The following EFHC2 variants were observed in gnomAD, a reference collection of about 807,000 sequenced individuals.
The protein encoded by EFHC2 is EF-hand domain containing 2.
EFHC2 carries 18 observed loss-of-function variants against 52.7 expected under a neutral mutation model. That is an observed-to-expected ratio of 0.34 (90% confidence interval 0.24 to 0.51). The LOEUF (loss-of-function observed/expected upper bound fraction) is 0.51. Among genes scored for constraint, EFHC2 ranks in the 20% least tolerant of loss-of-function variants. The pLI is 0.97. For synonymous variants in EFHC2, 203 were observed against 204.1 expected, an observed-to-expected ratio of 0.99 and a Z score of 0.04; for missense variants, 513 against 562.5, an observed-to-expected ratio of 0.91 and a Z score of 0.89.
At position 44,157,545 on chromosome X, in the gene EFHC2, A is replaced by C. The variant is rs761742377; in HGVS notation, c.2148+6377T>G. Among the ~76,000 whole-genome samples the C allele has an allele frequency of 3.0e-4, 33 of 110,740 alleles. 1 individual carries two copies. Among genetic ancestry groups the C allele is most frequent in the Admixed American group, 1.2e-3 (12 of 10,401 alleles). On this transcript the variant is annotated intron_variant, in intron 14 of 14. Coordinates refer to ENST00000420999, the MANE Select transcript of EFHC2 (RefSeq NM_025184.4). ...CAGGAGATCAGAAAACAGGAGAAGC[A>C]AGAGGTCAGAGTATGGATTTCACTT...
chrX:44,228,138 G>C, intron 11 of EFHC2, among the ~76,000 whole-genome samples: 1 of 111,849 alleles, frequency 8.9e-6, no homozygotes, highest in Non-Finnish European at 1.9e-5. Flanking sequence ...TCATTTTAAG[G>C]AATTTCTGGG....
At position 44,174,970 on chromosome X, in the gene EFHC2, C is replaced by A. The variant is rs1180158664; in HGVS notation, c.2042+1322G>T. On this transcript the variant is annotated intron_variant, in intron 13 of 14. Coordinates refer to ENST00000420999, the MANE Select transcript of EFHC2 (RefSeq NM_025184.4). ...TAGATTTGCCCTCTTCTGGGTTTCC[C>A]TCCTGATACCTTGGACCCTAGTTCC... 2.7e-5 allele frequency among the ~76,000 whole-genome samples: 3 copies of A among 112,192 alleles called. No individual in the cohort carries two copies. The Admixed American group carries it at 2.8e-4, about 11-fold the overall frequency.
rs918847278 is a variant in EFHC2 at position 44,232,345 on chromosome X, C to T, written c.1620+136G>A. The T allele has an allele frequency of 3.1e-5, 13 of 416,120 alleles. No individual in the cohort carries two copies. In the Admixed American group the frequency reaches 4.5e-4, roughly 14 times the overall value. The allele number at this position is 416,120 out of a possible 1,213,427, so 34.3% of individuals were successfully genotyped here. ...GACATGTGGCCAAGTCACACGAATC[C>T]ATTATTCATGCCCACATGTGTGAAT... On this transcript the variant is annotated intron_variant, in intron 10 of 14. Transcript: ENST00000420999.
chrX:44,252,998 G>A (rs2147339018), intron 4 of EFHC2, among the ~76,000 whole-genome samples: 1 of 111,198 alleles, frequency 9.0e-6, no homozygotes, highest in East Asian at 2.8e-4. Context: ...GAAGCAGGGT[G>A]GGGCATCGCC....
intron 8 of EFHC2, among the ~76,000 whole-genome samples, chrX:44,240,208 G>C (rs780214497): frequency 8.9e-6 from 1 of 111,913 alleles, no homozygotes; most frequent in Non-Finnish European, 1.9e-5. Flanking sequence ...GTCTCCAGCC[G>C]AATGTGCTAG....
chrX:44,261,013 A>T, intron 4 of EFHC2, 62 bp downstream of exon 4: 1 of 998,820 alleles, frequency 1.0e-6, no homozygotes, highest in Non-Finnish European at 1.4e-6. Context: ...AACACCCTTT[A>T]CTGACTTTCC....
intron 2 of EFHC2, among the ~76,000 whole-genome samples, chrX:44,288,687 TACTC>T (rs1024145005): frequency 4.4e-5 from 5 of 112,472 alleles, no homozygotes; most frequent in African/African-American, 9.7e-5. Flanking sequence ...TTGTTTTAAA[TACTC>T]AACTCAGACG....
intron 8 of EFHC2, among the ~76,000 whole-genome samples, chrX:44,238,564 A>T (rs2037336941): frequency 9.0e-6 from 1 of 110,534 alleles, no homozygotes; most frequent in African/African-American, 3.3e-5. Flanking sequence ...ATACACTCTC[A>T]TCTCCTCTCT....
At chrX:44,320,643 C>G (rs749305060) in intron 1 of EFHC2, among the ~76,000 whole-genome samples, 1 of 111,173 alleles carries the variant, frequency 9.0e-6, no homozygotes, top group African/African-American at 3.3e-5. Flanking sequence ...TTTCAATGAA[C>G]TCATAAAGAC....
chrX:44,340,116 C>T (rs1769559935), intron 1 of EFHC2, among the ~76,000 whole-genome samples: 1 of 111,309 alleles, frequency 9.0e-6, no homozygotes, highest in Non-Finnish European at 1.9e-5. Flanking sequence ...TAGACCCACA[C>T]GTAGCTGGAT....
At chrX:44,287,026 T>TGA in intron 2 of EFHC2, among the ~76,000 whole-genome samples, 1 of 15,209 alleles carries the variant, frequency 6.6e-5, no homozygotes, top group Admixed American at 1.1e-3. Context: ...CTCCCATCTC[T>TGA]AAAAAAAAAA....
chrX:44,233,362 A>C (rs2037294378), intron 9 of EFHC2, among the ~76,000 whole-genome samples: 1 of 112,149 alleles, frequency 8.9e-6, no homozygotes, highest in Non-Finnish European at 1.9e-5. Flanking sequence ...CTACAGGTAA[A>C]ATTCCTTTGC....
In EFHC2 at chrX:44,175,445, C is replaced by T. The variant is rs1268538706; in HGVS notation, c.2042+847G>A. 4.5e-5 allele frequency among the ~76,000 whole-genome samples: 5 copies of T among 111,444 alleles called. No homozygotes were observed. In the Admixed American group the frequency reaches 4.8e-4, roughly 11 times the overall value. On this transcript the variant is annotated intron_variant, in intron 13 of 14. Coordinates refer to ENST00000420999, the MANE Select transcript of EFHC2 (RefSeq NM_025184.4). ...TCTACTGGCTATTTGTAGACAGTAA[C>T]TCAAAATGATTAGAAGCAGAGGATG...
Position 44,294,930 on chromosome X carries a change from C to T in EFHC2, c.231+17638G>A, listed in dbSNP as rs183312103. ...TAAAATAGCCAACACTGATTAAGTA[C>T]TTATAATGGGTCAGGCATTGTATTA... On this transcript the variant is annotated intron_variant, in intron 2 of 14. Coordinates refer to ENST00000420999, the MANE Select transcript of EFHC2 (RefSeq NM_025184.4). Among the ~76,000 whole-genome samples the T allele has an allele frequency of 4.6e-4, 52 of 112,369 alleles. No homozygotes were observed. In the South Asian group the frequency reaches 0.017, roughly 37 times the overall value.
chrX:44,173,919 C>T lies in EFHC2; in HGVS notation c.2042+2373G>A, dbSNP rs139941573. 9.3e-4 allele frequency among the ~76,000 whole-genome samples: 104 copies of T among 111,982 alleles called. 1 individual carries two copies. In the East Asian group the frequency reaches 0.025, roughly 27 times the overall value. On this transcript the variant is annotated intron_variant, in intron 13 of 14. Coordinates refer to ENST00000420999, the MANE Select transcript of EFHC2 (RefSeq NM_025184.4). ...CACATTACTGGACTTTCCAGGACAA[C>T]TCATCCTTAAGACCATCAAAAGATA...
intron 14 of EFHC2, among the ~76,000 whole-genome samples, chrX:44,158,225 C>G (rs770479980): frequency 1.8e-5 from 2 of 111,934 alleles, no homozygotes; most frequent in East Asian, 5.6e-4. Context: ...AGTACTGAAG[C>G]CTACTCAGCT....
chrX:44,223,192 G>A (rs2037207099), intron 11 of EFHC2, among the ~76,000 whole-genome samples: 1 of 112,529 alleles, frequency 8.9e-6, no homozygotes, highest in Non-Finnish European at 1.9e-5. Flanking sequence ...ACTTAAGACT[G>A]TGCCTCAGAA....
At chrX:44,209,837 A>C (rs749010181) in intron 11 of EFHC2, among the ~76,000 whole-genome samples, 1 of 109,245 alleles carries the variant, frequency 9.2e-6, no homozygotes, top group Non-Finnish European at 1.9e-5. Context: ...CAGCAACATT[A>C]GATTATCATA....
At chrX:44,162,279 T>C (rs4824735) in intron 14 of EFHC2, among the ~76,000 whole-genome samples, 54,049 of 109,883 alleles carry the variant, frequency 0.49, 10,167 homozygotes, top group African/African-American at 0.67. Context: ...AAAAATTAGC[T>C]GGATGTGGTG....
Sources: allele counts gnomAD v4.1 joint callset (sites outside exome capture counted in the v4.1 genomes callset), GRCh38; gene constraint gnomAD v4.1.1; transcripts MANE v1.5; gene names NCBI Gene and HGNC (gene_info 2026-07-23, HGNC 2026-07-21).